The following CYTH1 variants were observed in gnomAD, a reference collection of about 807,000 sequenced individuals.
CYTH1 encodes cytohesin-1.
In CYTH1, 18 loss-of-function variants were observed where a neutral mutation model predicts 61.8. The ratio of observed to expected loss-of-function variants is 0.29; its 90% CI spans 0.20 to 0.43. The LOEUF (loss-of-function observed/expected upper bound fraction) is 0.43. CYTH1 is among the 20% of genes least tolerant of loss of function. The probability of loss-of-function intolerance (pLI) is 1.00; values close to 1 mark genes in which losing one functional copy is unlikely to be tolerated. For missense variants in CYTH1, 336 were observed against 510.5 expected, an observed-to-expected ratio of 0.66 and a Z score of 3.29; for synonymous variants, 174 against 184.3, an observed-to-expected ratio of 0.94 and a Z score of 0.45.
chr17:78,750,240 G>A (rs1417097921), intron 1 of CYTH1, among the ~76,000 whole-genome samples: 2 of 152,154 alleles, frequency 1.3e-5, no homozygotes, highest in Non-Finnish European at 2.9e-5. Flanking sequence ...AACTGGATAG[G>A]CAGAACAAGA....
intron 1 of CYTH1, among the ~76,000 whole-genome samples, chr17:78,772,773 T>C (rs2093476641): frequency 6.6e-6 from 1 of 152,128 alleles, no homozygotes; most frequent in South Asian, 2.1e-4. Flanking sequence ...CTTGACCTCA[T>C]GATCCGGCCA....
At chr17:78,681,150 T>C (rs2092757886) in intron 11 of CYTH1, 108 bp from the exon 12 acceptor site, 1 of 1,098,284 alleles carries the variant, frequency 9.1e-7, no homozygotes, top group Non-Finnish European at 1.4e-6. Context: ...TCCCAGGACA[T>C]GAAGTTCATA....
intron 1 of CYTH1, among the ~76,000 whole-genome samples, chr17:78,748,842 A>AT (rs2144664969): frequency 6.6e-6 from 1 of 152,256 alleles, no homozygotes; most frequent in South Asian, 2.1e-4. Flanking sequence ...TACTAATTAT[A>AT]TATCACCCCT....
At chr17:78,690,915 T>C (rs947083063) in intron 11 of CYTH1, among the ~76,000 whole-genome samples, 1 of 151,950 alleles carries the variant, frequency 6.6e-6, no homozygotes, top group Non-Finnish European at 1.5e-5. Flanking sequence ...ACCCAGAAAA[T>C]AGCGAGACAA....
chr17:78,781,731 C>T (rs991736888), intron 1 of CYTH1, among the ~76,000 whole-genome samples: 8 of 151,912 alleles, frequency 5.3e-5, no homozygotes, highest in Admixed American at 1.3e-4. Flanking sequence ...ATCCGCGCGT[C>T]CGCCCCGAGC....
intron 12 of CYTH1, 145 bp downstream of exon 12, chr17:78,680,826 T>G (rs2092753304): frequency 1.2e-6 from 1 of 831,820 alleles, no homozygotes; most frequent in African/African-American, 1.7e-5. Flanking sequence ...GAGTCTCATC[T>G]TTGGCTTGAA....
rs112251555 is a variant in CYTH1 at position 78,754,834 on chromosome 17, T to C, written c.22+27368A>G. 8.6e-3 allele frequency among the ~76,000 whole-genome samples: 1,315 copies of C among 152,286 alleles called. 16 individuals are homozygous for C. Among genetic ancestry groups the C allele is most frequent in the African/African-American group, 0.03 (1,239 of 41,550 alleles). ...AATAAAAGCTCTTCTAAGCCTTATT[T>C]TGAAACTAGTTACATATCATTTGTA... On this transcript the variant is annotated intron_variant, in intron 1 of 13. Transcript: ENST00000446868.
In CYTH1 at chr17:78,769,918, G is replaced by A. The variant is rs190858144; in HGVS notation, c.22+12284C>T. On this transcript the variant is annotated intron_variant, in intron 1 of 13. Transcript: ENST00000446868. ...TGTAATCCCAGCACTTTGGGAGGCC[G>A]AGGTGGGTGGATCACGAGGTCAGGA... Among the ~76,000 whole-genome samples, 1,484 of 152,234 alleles carry A rather than the reference G, an allele frequency of 9.7e-3. 10 individuals are homozygous for A. The highest frequency in any genetic ancestry group is 0.017 in the Non-Finnish European group (1,185 of 68,006).
At chr17:78,763,901 A>T (rs2093438329) in intron 1 of CYTH1, among the ~76,000 whole-genome samples, 2 of 152,166 alleles carry the variant, frequency 1.3e-5, no homozygotes, top group African/African-American at 4.8e-5. Flanking sequence ...ACTTGAGGTC[A>T]GGAGTTTGAG....
At chr17:78,769,800 T>C (rs2093463294) in intron 1 of CYTH1, among the ~76,000 whole-genome samples, 1 of 151,892 alleles carries the variant, frequency 6.6e-6, no homozygotes, top group African/African-American at 2.4e-5. Context: ...GTGGATCCCC[T>C]GAGGTTCGGA....
At chr17:78,687,839 G>A (rs2092832268) in intron 11 of CYTH1, among the ~76,000 whole-genome samples, 1 of 152,204 alleles carries the variant, frequency 6.6e-6, no homozygotes, top group Non-Finnish European at 1.5e-5. Context: ...CTGTGTCACT[G>A]AAATGTGCTG....
intron 1 of CYTH1, among the ~76,000 whole-genome samples, chr17:78,749,775 G>A (rs1284529079): frequency 6.6e-6 from 1 of 151,888 alleles, no homozygotes; most frequent in Non-Finnish European, 1.5e-5. Flanking sequence ...TTTTTGAAGT[G>A]TTTTTTTCCC....
intron 2 of CYTH1, 123 bp from the exon 3 acceptor site, chr17:78,708,384 C>CA: frequency 1.2e-6 from 1 of 857,876 alleles, no homozygotes; most frequent in Non-Finnish European, 1.8e-6. Context: ...CAAAATATGA[C>CA]AAAAATGCAA....
At chr17:78,770,700 C>G (rs1276899755) in intron 1 of CYTH1, among the ~76,000 whole-genome samples, 2 of 152,112 alleles carry the variant, frequency 1.3e-5, no homozygotes, top group Non-Finnish European at 2.9e-5. Flanking sequence ...GCCACAGAGC[C>G]CGACTGAAAA....
At chr17:78,736,067 C>T (rs1237707676) in intron 1 of CYTH1, among the ~76,000 whole-genome samples, 1 of 152,230 alleles carries the variant, frequency 6.6e-6, no homozygotes, top group Admixed American at 6.5e-5. Flanking sequence ...TTCAAACAGT[C>T]CTCACCTAAC....
intron 1 of CYTH1, among the ~76,000 whole-genome samples, chr17:78,755,569 T>G (rs1188499714): frequency 6.7e-6 from 1 of 150,338 alleles, no homozygotes; most frequent in Non-Finnish European, 1.5e-5. Flanking sequence ...CATAAAATTC[T>G]AGGAAATACA....
chr17:78,695,176 T>C (rs12449669), intron 10 of CYTH1, among the ~76,000 whole-genome samples: 87,411 of 152,022 alleles, frequency 0.57, 25,247 homozygotes, highest in African/African-American at 0.62. Flanking sequence ...GCTAAGAAAA[T>C]ATGTTTCCCC....
At position 78,720,526 on chromosome 17, in the gene CYTH1, C is replaced by A. The variant is rs1013514103; in HGVS notation, c.23-10794G>T. 3.3e-5 allele frequency among the ~76,000 whole-genome samples: 5 copies of A among 152,328 alleles called. No homozygotes were observed. The East Asian group carries it at 7.7e-4, about 24-fold the overall frequency. On this transcript the variant is annotated intron_variant, in intron 1 of 13. Coordinates refer to ENST00000446868, the MANE Select transcript of CYTH1 (RefSeq NM_004762.6). ...TAGAGACGGGGTTTCACCATGTTGG[C>A]CAGGCTGGTCTCAAACTCCTGACCT...
intron 1 of CYTH1, among the ~76,000 whole-genome samples, chr17:78,747,145 C>CA (rs56201341): frequency 0.44 from 24,650 of 56,424 alleles, 4,513 homozygotes; most frequent in Non-Finnish European, 0.48. Context: ...ATGGCAGCGC[C>CA]AAAAAAAAAA....
Sources: allele counts gnomAD v4.1 joint callset (sites outside exome capture counted in the v4.1 genomes callset), GRCh38; gene constraint gnomAD v4.1.1; transcripts MANE v1.5; gene names NCBI Gene and HGNC (gene_info 2026-07-23, HGNC 2026-07-21).